The following ETV6 variants were observed in gnomAD, a reference collection of about 807,000 sequenced individuals.
ETV6 encodes transcription factor ETV6.
ETV6 carries 16 observed loss-of-function variants against 51.1 expected under a neutral mutation model. The observed-to-expected ratio is 0.31, with a 90% CI of 0.21 to 0.48. ETV6 has a LOEUF of 0.48. ETV6 is among the 20% of genes least tolerant of loss of function. The pLI is 0.99. For missense variants in ETV6, 458 were observed against 594.8 expected (o/e 0.77, Z 2.39); for synonymous variants, 240 against 224.1 (o/e 1.07, Z -0.64).
intron 5 of ETV6, among the ~76,000 whole-genome samples, chr12:11,872,903 C>A (rs1195438673): frequency 6.6e-6 from 1 of 152,046 alleles, no homozygotes; most frequent in Non-Finnish European, 1.5e-5. Flanking sequence ...AAATGATGAG[C>A]CTGGGTGTCT....
chr12:11,664,209 G>A (rs1025615927), intron 1 of ETV6, among the ~76,000 whole-genome samples: 5 of 152,196 alleles, frequency 3.3e-5, no homozygotes, highest in African/African-American at 1.2e-4. Context: ...ACTCTTTCTT[G>A]TTACTACGAT....
intron 2 of ETV6, among the ~76,000 whole-genome samples, chr12:11,754,436 A>G (rs1944977264): frequency 6.6e-6 from 1 of 152,222 alleles, no homozygotes; most frequent in African/African-American, 2.4e-5. Flanking sequence ...GGATGCCTTG[A>G]CATATGGAAG....
At chr12:11,838,965 C>T (rs1395156409) in intron 2 of ETV6, among the ~76,000 whole-genome samples, 175 bp from the exon 3 acceptor site, 1 of 152,318 alleles carries the variant, frequency 6.6e-6, no homozygotes, top group South Asian at 2.1e-4. Context: ...TTCGAGAAGC[C>T]CCCAGTGGGG....
chr12:11,708,574 C>T (rs1179817814), intron 1 of ETV6, among the ~76,000 whole-genome samples: 2 of 152,202 alleles, frequency 1.3e-5, no homozygotes, highest in East Asian at 3.8e-4. Flanking sequence ...ACAAGCCTTG[C>T]TGTGTTATCA....
At chr12:11,867,224 A>AACTGAAATT (rs1180286449) in intron 4 of ETV6, among the ~76,000 whole-genome samples, 5 of 152,198 alleles carry the variant, frequency 3.3e-5, no homozygotes, top group Admixed American at 6.5e-5. Flanking sequence ...GCTATTGTTG[A>AACTGAAATT]ACTGAAATTG....
chr12:11,769,710 T>C (rs1205223274), intron 2 of ETV6, among the ~76,000 whole-genome samples: 1 of 152,250 alleles, frequency 6.6e-6, no homozygotes, highest in East Asian at 1.9e-4. Context: ...ACTCTTGAAA[T>C]GCTGTGACCA....
At chr12:11,738,482 T>A (rs796920679) in intron 1 of ETV6, among the ~76,000 whole-genome samples, 71 of 151,632 alleles carry the variant, frequency 4.7e-4, no homozygotes, top group African/African-American at 1.6e-3. Flanking sequence ...AATTTTTAAT[T>A]TTTTTTAATG....
At chr12:11,727,539 GAGA>G (rs1031062952) in intron 1 of ETV6, among the ~76,000 whole-genome samples, 8 of 152,242 alleles carry the variant, frequency 5.3e-5, no homozygotes, top group Non-Finnish European at 1.0e-4. Context: ...GAAAGACTCA[GAGA>G]AGAAGAAGTA....
At chr12:11,800,371 G>A (rs1945728971) in intron 2 of ETV6, among the ~76,000 whole-genome samples, 1 of 152,178 alleles carries the variant, frequency 6.6e-6, no homozygotes, top group South Asian at 2.1e-4. Flanking sequence ...GCTAGATCAA[G>A]CTAATTAACA....
intron 1 of ETV6, among the ~76,000 whole-genome samples, chr12:11,742,773 T>G (rs1026386577): frequency 4.0e-5 from 6 of 151,746 alleles, no homozygotes; most frequent in African/African-American, 1.4e-4. Context: ...AAATATTTTA[T>G]AAGCTTCATC....
chr12:11,828,788 A>G (rs187835414), intron 2 of ETV6, among the ~76,000 whole-genome samples: 29 of 151,970 alleles, frequency 1.9e-4, no homozygotes, highest in African/African-American at 6.5e-4. Flanking sequence ...TCCCCTCCCC[A>G]TTATCTTTTT....
chr12:11,840,283 T>C (rs1233690157), intron 3 of ETV6, among the ~76,000 whole-genome samples: 4 of 152,358 alleles, frequency 2.6e-5, no homozygotes, highest in Admixed American at 1.3e-4. Flanking sequence ...GTATTGCTCA[T>C]GTGGATAAGG....
chr12:11,887,638 C>T (rs1374265947), intron 7 of ETV6, among the ~76,000 whole-genome samples: 3 of 151,940 alleles, frequency 2.0e-5, no homozygotes, highest in South Asian at 2.1e-4. Flanking sequence ...GTCCCAGCTA[C>T]TCGGGAGGCT....
At chr12:11,652,378 C>A (rs928273399) in intron 1 of ETV6, among the ~76,000 whole-genome samples, 1 of 152,128 alleles carries the variant, frequency 6.6e-6, no homozygotes, top group African/African-American at 2.4e-5. Context: ...ATGTGTGCTG[C>A]GTTTCATTTA....
chr12:11,727,910 C>A lies in ETV6; in HGVS notation c.34-24540C>A, dbSNP rs118047881. On this transcript the variant is annotated intron_variant, in intron 1 of 7. Transcript: ENST00000396373. ...TCTCAGCTCACTCCACCCTCTACCT[C>A]CCGGGCTCAAGCAGTTCTCCTGCCT... is the stretch of plus-strand genomic sequence containing the variant. Among the ~76,000 whole-genome samples the A allele has an allele frequency of 5.3e-4, 81 of 152,290 alleles. 2 individuals carry two copies. In the East Asian group the frequency reaches 0.016, roughly 29 times the overall value.
At chr12:11,713,318 A>T (rs888024397) in intron 1 of ETV6, among the ~76,000 whole-genome samples, 2 of 152,206 alleles carry the variant, frequency 1.3e-5, no homozygotes, top group East Asian at 1.9e-4. Flanking sequence ...TCACCTTTTT[A>T]GATTTAAATC....
At position 11,869,962 on chromosome 12, in the gene ETV6, A is replaced by G; in HGVS notation, c.1002A>G (p.Arg334=). 1 of 1,602,002 alleles carries G rather than the reference A, an allele frequency of 6.2e-7. No homozygotes were observed. Among genetic ancestry groups the G allele is most frequent in the Middle Eastern group, 1.7e-4 (1 of 6,030 alleles). The change falls in exon 5 of 8, where the codon AGA becomes AGG. Residue 334 remains arginine, a synonymous_variant. Coordinates refer to ENST00000396373, the MANE Select transcript of ETV6 (RefSeq NM_001987.5). The surrounding 1 kb of genome is among the most constrained non-coding windows in gnomAD (Gnocchi z 5.0). The part of the protein sequence containing the change: ...PPEEHAMPIG[R]IADCRLLWDY... ...AAGAGCACGCCATGCCCATTGGGAGAATAGCAGGTGAGTGAGTTCCCCTCT... is the reference window on the plus strand; with the variant it reads ...AAGAGCACGCCATGCCCATTGGGAGGATAGCAGGTGAGTGAGTTCCCCTCT...
chr12:11,734,193 T>C (rs912227739), intron 1 of ETV6, among the ~76,000 whole-genome samples: 1 of 152,238 alleles, frequency 6.6e-6, no homozygotes, highest in Non-Finnish European at 1.5e-5. Context: ...GAAAGTGATA[T>C]AAACTCCATA....
intron 1 of ETV6, among the ~76,000 whole-genome samples, chr12:11,724,817 C>G (rs1865457095): frequency 6.6e-6 from 1 of 152,156 alleles, no homozygotes; most frequent in Non-Finnish European, 1.5e-5. Context: ...GAGACCCTTG[C>G]AGGTTTCCCA....
Sources: allele counts gnomAD v4.1 joint callset (sites outside exome capture counted in the v4.1 genomes callset), GRCh38; gene constraint gnomAD v4.1.1; non-coding constraint Gnocchi (gnomAD v3.1); transcripts MANE v1.5; gene names NCBI Gene and HGNC (gene_info 2026-07-23, HGNC 2026-07-21).